Variants in BTG4 observed in about 807,000 individuals in gnomAD.
BTG4 encodes protein BTG4.
BTG4 carries 10 observed loss-of-function variants against 19.3 expected under a neutral mutation model. The observed-to-expected ratio is 0.52, with a 90% confidence interval of 0.32 to 0.88. The LOEUF (loss-of-function observed/expected upper bound fraction) is 0.88, where lower values mean the gene tolerates loss of function less well. Among genes scored for constraint, BTG4 ranks in the 40% least tolerant of loss-of-function variants. The pLI, the probability that BTG4 is intolerant of heterozygous loss-of-function variation, is 0.04. For missense variants in BTG4, 238 were observed against 281.9 expected (o/e 0.84, Z 1.11); for synonymous variants, 91 against 95.7 (o/e 0.95, Z 0.29).
the BTG4 span, among the ~76,000 whole-genome samples, chr11:111,394,003 G>A: frequency 1.2e-4 from 19 of 152,286 alleles, no homozygotes; most frequent in East Asian, 1.9e-3. Flanking sequence ...TCACCTGTAC[G>A]ATACAGATAC....
At chr11:111,433,813 T>A in the BTG4 span, among the ~76,000 whole-genome samples, 1 of 152,214 alleles carries the variant, frequency 6.6e-6, no homozygotes, top group East Asian at 1.9e-4. Flanking sequence ...TGCTCATCAC[T>A]GGTCATCAGA....
the BTG4 span, among the ~76,000 whole-genome samples, chr11:111,444,600 A>T: frequency 1.3e-5 from 2 of 152,208 alleles, no homozygotes; most frequent in Non-Finnish European, 2.9e-5. Context: ...TAACTTAAAG[A>T]TTGTTATTGA....
chr11:111,391,028 G>A, the BTG4 span, among the ~76,000 whole-genome samples: 6 of 152,294 alleles, frequency 3.9e-5, no homozygotes, highest in South Asian at 2.1e-4. Context: ...GGTTTCTTTC[G>A]TAACCAGCAA....
the BTG4 span, among the ~76,000 whole-genome samples, chr11:111,446,574 GA>G: frequency 1.3e-5 from 2 of 151,850 alleles, no homozygotes; most frequent in African/African-American, 4.8e-5. Context: ...ACATTACACA[GA>G]TGCTAATCTT....
intron 1 of BTG4, among the ~76,000 whole-genome samples, chr11:111,507,364 G>T (rs1011808645): frequency 6.6e-6 from 1 of 151,878 alleles, no homozygotes; most frequent in Admixed American, 6.6e-5. Context: ...GAGGGTTTTT[G>T]TTTTTTGTTT....
intron 5 of BTG4, among the ~76,000 whole-genome samples, chr11:111,479,139 T>A (rs1412729907): frequency 6.6e-6 from 1 of 151,808 alleles, no homozygotes; most frequent in Non-Finnish European, 1.5e-5. Flanking sequence ...ACCCTACCAC[T>A]AGAGGAAAAA....
chr11:111,431,901 T>C, the BTG4 span, among the ~76,000 whole-genome samples: 1 of 152,170 alleles, frequency 6.6e-6, no homozygotes, highest in Non-Finnish European at 1.5e-5. Flanking sequence ...CGATGCTTGG[T>C]TGGGATTCCC....
the BTG4 span, among the ~76,000 whole-genome samples, chr11:111,461,630 C>T: frequency 2.6e-5 from 4 of 152,004 alleles, no homozygotes; most frequent in African/African-American, 9.6e-5. Context: ...AGGAGAATTG[C>T]TTGAACCTGG....
chr11:111,456,374 C>G, the BTG4 span: 3 of 389,714 alleles, frequency 7.7e-6, no homozygotes, highest in Non-Finnish European at 1.6e-5. The surrounding 1 kb of genome is among the most constrained non-coding windows in gnomAD (Gnocchi z 4.2). Context: ...CCCCTGCCCC[C>G]TCAGGAGCAC....
the BTG4 span, among the ~76,000 whole-genome samples, chr11:111,418,444 G>A: frequency 6.6e-6 from 1 of 152,118 alleles, no homozygotes; most frequent in African/African-American, 2.4e-5. Context: ...TGGGCTCAAG[G>A]TGTCCTCCTT....
the BTG4 span, among the ~76,000 whole-genome samples, chr11:111,428,642 A>G: frequency 2.6e-5 from 4 of 152,190 alleles, no homozygotes; most frequent in African/African-American, 9.7e-5. Flanking sequence ...ACAAAGCTCA[A>G]TGTTAGGTCC....
chr11:111,504,923 G>A (rs933089049), intron 1 of BTG4, among the ~76,000 whole-genome samples: 15 of 151,954 alleles, frequency 9.9e-5, no homozygotes, highest in African/African-American at 3.1e-4. Context: ...GGAGGTGAAA[G>A]ATCTCTACAA....
At chr11:111,390,459 T>A in the BTG4 span, among the ~76,000 whole-genome samples, 2 of 152,144 alleles carry the variant, frequency 1.3e-5, no homozygotes, top group East Asian at 3.8e-4. Context: ...TCTTTCAAAA[T>A]CAACATCTTG....
the BTG4 span, chr11:111,462,389 C>T: frequency 2.0e-5 from 3 of 152,610 alleles, no homozygotes; most frequent in African/African-American, 7.2e-5. Flanking sequence ...AGAGCCAGGG[C>T]TCTGAGCACA....
the BTG4 span, among the ~76,000 whole-genome samples, chr11:111,437,845 T>C: frequency 9.5e-4 from 144 of 152,314 alleles, 1 homozygote; most frequent in African/African-American, 3.3e-3. Flanking sequence ...GGGTTTTCTT[T>C]TCAGCCCTGG....
the BTG4 span, among the ~76,000 whole-genome samples, chr11:111,424,139 G>C: frequency 1.3e-5 from 2 of 152,216 alleles, no homozygotes; most frequent in African/African-American, 2.4e-5. Flanking sequence ...CTCTTAGCTA[G>C]AGAAACACTA....
At chr11:111,451,374 G>A in the BTG4 span, 1 of 452,274 alleles carries the variant, frequency 2.2e-6, no homozygotes, top group Non-Finnish European at 4.5e-6. Flanking sequence ...GGGCATTTAT[G>A]TCTTTCGTCT....
chr11:111,384,470 C>A, the BTG4 span, among the ~76,000 whole-genome samples: 1 of 152,034 alleles, frequency 6.6e-6, no homozygotes, highest in Non-Finnish European at 1.5e-5. Flanking sequence ...ATATTTATAG[C>A]TAAGGAACAA....
the BTG4 span, among the ~76,000 whole-genome samples, chr11:111,427,220 T>G: frequency 6.6e-6 from 1 of 152,190 alleles, no homozygotes; most frequent in Non-Finnish European, 1.5e-5. Context: ...CTCTAGAGAC[T>G]AGAGGAAAGG....
Sources: allele counts gnomAD v4.1 joint callset (sites outside exome capture counted in the v4.1 genomes callset), GRCh38; gene constraint gnomAD v4.1.1; non-coding constraint Gnocchi (gnomAD v3.1); transcripts MANE v1.5; gene names NCBI Gene and HGNC (gene_info 2026-07-23, HGNC 2026-07-21).